Variants in CFAP54 observed in about 807,000 individuals in gnomAD.
The protein encoded by CFAP54 is cilia and flagella associated protein 54.
In CFAP54, 290 loss-of-function variants were observed where a neutral mutation model predicts 370.4. That is an observed-to-expected ratio of 0.78 (90% CI 0.71 to 0.86). The LOEUF (loss-of-function observed/expected upper bound fraction) is 0.86, where lower values mean the gene tolerates loss of function less well. Ranked by LOEUF, CFAP54 falls within the 40% of genes least tolerant of loss-of-function variation. CFAP54 has a pLI of 0.00. For missense variants in CFAP54, 3,399 were observed against 3,528.7 expected (o/e 0.96, Z 0.93); for synonymous variants, 1,206 against 1,236.5 (o/e 0.98, Z 0.52).
chr12:96,608,333 ACAT>A lies in CFAP54; in HGVS notation c.3639+9567_3639+9569del, dbSNP rs1192480873. On this transcript the variant is annotated intron_variant, in intron 26 of 67. Coordinates refer to ENST00000524981, the MANE Select transcript of CFAP54 (RefSeq NM_001306084.2). The stretch of plus-strand genomic sequence containing the variant: ...TACACACACACACACACACACACAC[ACAT>A]ACGCACACACATACATATAAAATTA... 2.4e-4 allele frequency among the ~76,000 whole-genome samples: 36 copies of A among 150,706 alleles called. No individual in the cohort carries two copies. In the South Asian group the frequency reaches 4.4e-3, roughly 18 times the overall value.
At chr12:96,749,424 G>C (rs1958158212) in intron 55 of CFAP54, among the ~76,000 whole-genome samples, 1 of 152,186 alleles carries the variant, frequency 6.6e-6, no homozygotes, top group Admixed American at 6.5e-5. Context: ...GAATTTTAAA[G>C]GGACACAAAC....
intron 27 of CFAP54, 45 bp downstream of exon 27, chr12:96,621,766 A>T (rs1009806188): frequency 7.0e-7 from 1 of 1,432,008 alleles, no homozygotes; most frequent in Non-Finnish European, 9.3e-7. Flanking sequence ...TTTAGTTTGC[A>T]TCTTTTAGGG....
At chr12:96,663,753 A>T in intron 38 of CFAP54, 77 bp from the exon 39 acceptor site, 1 of 977,992 alleles carries the variant, frequency 1.0e-6, no homozygotes, top group Non-Finnish European at 1.6e-6. Flanking sequence ...ATAAAAAATG[A>T]GAGAAACATT....
chr12:96,553,570 TTATATA>T (rs578030091), intron 15 of CFAP54, among the ~76,000 whole-genome samples: 5 of 143,050 alleles, frequency 3.5e-5, no homozygotes, highest in African/African-American at 1.1e-4. Flanking sequence ...ATATATATAG[TTATATA>T]TATATAACAT....
intron 66 of CFAP54, among the ~76,000 whole-genome samples, chr12:96,851,821 A>G (rs1163882270): frequency 6.6e-6 from 1 of 152,068 alleles, no homozygotes; most frequent in African/African-American, 2.4e-5. Context: ...TCAACTAGTC[A>G]TATGTTAATA....
chr12:96,567,848 G>A (rs1955877999), intron 19 of CFAP54, among the ~76,000 whole-genome samples: 1 of 152,014 alleles, frequency 6.6e-6, no homozygotes, highest in African/African-American at 2.4e-5. Flanking sequence ...AGTGTGGGCA[G>A]GAACATCTTC....
At chr12:96,582,090 A>T (rs1457412637) in intron 22 of CFAP54, among the ~76,000 whole-genome samples, 1 of 152,182 alleles carries the variant, frequency 6.6e-6, no homozygotes, top group Non-Finnish European at 1.5e-5. Flanking sequence ...GCCATGTGAT[A>T]GTGGACAAGT....
intron 65 of CFAP54, among the ~76,000 whole-genome samples, chr12:96,824,807 C>G (rs190734634): frequency 2.6e-5 from 4 of 152,260 alleles, no homozygotes; most frequent in Admixed American, 2.6e-4. Flanking sequence ...GTCAAATTAT[C>G]TTTTCAAAGC....
chr12:96,704,319 T>C (rs59230692), intron 46 of CFAP54, among the ~76,000 whole-genome samples: 2,904 of 149,790 alleles, frequency 0.019, 108 homozygotes, highest in African/African-American at 0.067. Context: ...CCCAGCTACT[T>C]GGGAGGCTGA....
chr12:96,494,383 C>G (rs965088355), intron 1 of CFAP54, among the ~76,000 whole-genome samples: 2 of 152,102 alleles, frequency 1.3e-5, no homozygotes, highest in Admixed American at 6.6e-5. Flanking sequence ...TCACTGCAAC[C>G]TCCGCCTCCG....
intron 67 of CFAP54, among the ~76,000 whole-genome samples, chr12:96,874,632 A>ATTTTTTTTTTTT (rs1485590262): frequency 3.3e-5 from 1 of 30,420 alleles, no homozygotes; most frequent in Non-Finnish European, 6.5e-5. Context: ...TTTTTATTTT[A>ATTTTTTTTTTTT]TTTTTTTTTT....
intron 42 of CFAP54, among the ~76,000 whole-genome samples, chr12:96,686,693 A>G (rs1361028857): frequency 6.6e-6 from 1 of 152,108 alleles, no homozygotes; most frequent in Non-Finnish European, 1.5e-5. Context: ...GGGATCCACC[A>G]CCATGATCCT....
chr12:96,654,832 A>ATTTTTT lies in CFAP54; in HGVS notation c.5100+3028_5100+3033dup, dbSNP rs10631171. Among the ~76,000 whole-genome samples, 141 of 132,132 alleles carry ATTTTTT rather than the reference A, an allele frequency of 1.1e-3. 4 individuals carry two copies. In the East Asian group the frequency reaches 0.032, roughly 30 times the overall value. 86.7% of individuals were successfully genotyped at this position (132,132 alleles called of 152,430 possible). A position where few individuals can be genotyped will look rare whatever the true frequency, so the allele number is the denominator to read the frequency against. ...TTTTGTGTCTGGCTCATTTCACTTAATTTTTTTTTTTTTTTTAAGAAATGA... is the reference window on the plus strand; with the variant it reads ...TTTTGTGTCTGGCTCATTTCACTTAATTTTTTTTTTTTTTTTTTTTTTAAGAAATGA... On this transcript the variant is annotated intron_variant, in intron 36 of 67. Transcript: ENST00000524981.
chr12:96,576,435 G>A (rs1955976665), intron 19 of CFAP54, 150 bp from the exon 20 acceptor site: 1 of 517,580 alleles, frequency 1.9e-6, no homozygotes, highest in African/African-American at 2.0e-5. Flanking sequence ...TCATTAAATA[G>A]TTGAAATATA....
At chr12:96,578,250 T>C (rs1445166614) in intron 20 of CFAP54, among the ~76,000 whole-genome samples, 1 of 152,210 alleles carries the variant, frequency 6.6e-6, no homozygotes, top group Non-Finnish European at 1.5e-5. Flanking sequence ...GAATGGCAAA[T>C]GGACATCAGT....
At position 96,561,746 on chromosome 12, in the gene CFAP54, C is replaced by CACAT. The variant is rs769207772; in HGVS notation, c.2411-2721_2411-2720insCATA. 4.5e-3 allele frequency among the ~76,000 whole-genome samples: 614 copies of CACAT among 137,100 alleles called. 7 individuals carry two copies. Among genetic ancestry groups the CACAT allele is most frequent in the Middle Eastern group, 0.011 (3 of 262 alleles). The allele number at this position is 137,100 out of a possible 152,430, so 89.9% of individuals were successfully genotyped here. A position where few individuals can be genotyped will look rare whatever the true frequency, so the allele number is the denominator to read the frequency against. On this transcript the variant is annotated intron_variant, in intron 17 of 67. Coordinates refer to ENST00000524981, the MANE Select transcript of CFAP54 (RefSeq NM_001306084.2). ...ACACACACACACACACACACACACACATGTATATATATTTAAATCACAAGT... is the reference window on the plus strand; with the variant it reads ...ACACACACACACACACACACACACACACATATGTATATATATTTAAATCACAAGT...
At chr12:96,773,360 C>T (rs924593313) in intron 60 of CFAP54, among the ~76,000 whole-genome samples, 1 of 152,236 alleles carries the variant, frequency 6.6e-6, no homozygotes, top group African/African-American at 2.4e-5. Flanking sequence ...CCTTGAATCA[C>T]CTGTCTCCCT....
chr12:96,848,600 G>A (rs971306966), intron 66 of CFAP54, among the ~76,000 whole-genome samples: 3 of 152,074 alleles, frequency 2.0e-5, no homozygotes, highest in African/African-American at 7.2e-5. Context: ...GGGAGGTTGT[G>A]GCAGGAAGAA....
chr12:96,681,031 C>T (rs1047542475), intron 40 of CFAP54, among the ~76,000 whole-genome samples: 5 of 151,754 alleles, frequency 3.3e-5, no homozygotes, highest in South Asian at 2.1e-4. Flanking sequence ...TGCAGTGAGC[C>T]GAGATTGTGC....
Sources: allele counts gnomAD v4.1 joint callset (sites outside exome capture counted in the v4.1 genomes callset), GRCh38; gene constraint gnomAD v4.1.1; transcripts MANE v1.5; gene names NCBI Gene and HGNC (gene_info 2026-07-23, HGNC 2026-07-21).